Variants in ZDHHC14 observed in about 807,000 individuals in gnomAD.
ZDHHC14 encodes zDHHC palmitoyltransferase 14, also known as palmitoyltransferase ZDHHC14.
A neutral mutation model predicts 47.7 loss-of-function variants in ZDHHC14; 16 were observed. The ratio of observed to expected loss-of-function variants is 0.34; its 90% CI spans 0.23 to 0.51. ZDHHC14 has a LOEUF of 0.51. ZDHHC14 is among the 20% of genes least tolerant of loss of function. The pLI is 0.97. For synonymous variants in ZDHHC14, 293 were observed against 278.9 expected (o/e 1.05, Z -0.50); for missense variants, 515 against 662.5 (o/e 0.78, Z 2.44).
At chr6:157,542,895 C>A in intron 2 of ZDHHC14, 150 bp downstream of exon 2, 1 of 1,003,642 alleles carries the variant, frequency 1.0e-6, no homozygotes, top group Non-Finnish European at 1.4e-6. Flanking sequence ...GCTGGGTGGG[C>A]AGGATGAGCT....
intron 2 of ZDHHC14, chr6:157,592,670 C>T (rs1445924120): frequency 1.9e-5 from 19 of 1,002,298 alleles, no homozygotes; most frequent in Admixed American, 4.8e-5. Flanking sequence ...GGGGCCTCTC[C>T]TGCCGCCTAC....
At chr6:157,489,756 G>A (rs1005384786) in intron 1 of ZDHHC14, among the ~76,000 whole-genome samples, 2 of 152,210 alleles carry the variant, frequency 1.3e-5, no homozygotes, top group Non-Finnish European at 2.9e-5. Flanking sequence ...CCCAGGATGC[G>A]GGGAAGCTAC....
At chr6:157,634,953 A>G (rs1776898908) in intron 5 of ZDHHC14, among the ~76,000 whole-genome samples, 2 of 151,532 alleles carry the variant, frequency 1.3e-5, no homozygotes, top group African/African-American at 4.9e-5. Context: ...GGTGGAGCAT[A>G]GAGGGGCTGT....
chr6:157,532,504 G>A (rs1399228327), intron 1 of ZDHHC14, among the ~76,000 whole-genome samples: 1 of 152,168 alleles, frequency 6.6e-6, no homozygotes, highest in African/African-American at 2.4e-5. Context: ...GAATCTAGCA[G>A]GCCTCTGAGA....
intron 1 of ZDHHC14, among the ~76,000 whole-genome samples, chr6:157,401,084 A>T (rs1285478976): frequency 6.6e-6 from 1 of 152,176 alleles, no homozygotes; most frequent in African/African-American, 2.4e-5. Flanking sequence ...CAGGGTTTCC[A>T]TGTGTGGAGT....
intron 1 of ZDHHC14, among the ~76,000 whole-genome samples, chr6:157,397,075 C>T (rs956341063): frequency 1.3e-5 from 2 of 152,136 alleles, no homozygotes; most frequent in Admixed American, 6.5e-5. Flanking sequence ...ATTCTTGACT[C>T]TTATGTGAAA....
chr6:157,476,744 G>T (rs374244353), intron 1 of ZDHHC14, among the ~76,000 whole-genome samples: 4 of 152,276 alleles, frequency 2.6e-5, no homozygotes, highest in Admixed American at 1.3e-4. Context: ...TCCAAGGATG[G>T]TTCAACATAT....
intron 1 of ZDHHC14, among the ~76,000 whole-genome samples, chr6:157,425,137 G>T (rs141688221): frequency 6.6e-6 from 1 of 152,130 alleles, no homozygotes; most frequent in African/African-American, 2.4e-5. Flanking sequence ...AGTTTTCTGC[G>T]TCCCTCAGGT....
intron 8 of ZDHHC14, among the ~76,000 whole-genome samples, chr6:157,657,784 T>C (rs1272142842): frequency 6.6e-6 from 1 of 152,256 alleles, no homozygotes; most frequent in East Asian, 1.9e-4. Flanking sequence ...CAGAGACATC[T>C]GTTCCACATG....
At chr6:157,403,599 C>T (rs1180428653) in intron 1 of ZDHHC14, among the ~76,000 whole-genome samples, 1 of 152,204 alleles carries the variant, frequency 6.6e-6, no homozygotes, top group Non-Finnish European at 1.5e-5. Context: ...CTTCATTTGT[C>T]ACATTGTTTC....
At chr6:157,430,856 A>T (rs932652598) in intron 1 of ZDHHC14, among the ~76,000 whole-genome samples, 2 of 152,250 alleles carry the variant, frequency 1.3e-5, no homozygotes, top group African/African-American at 4.8e-5. Context: ...AGGGCTGGAC[A>T]TGTGTGCATG....
At chr6:157,466,841 A>C (rs111715509) in intron 1 of ZDHHC14, among the ~76,000 whole-genome samples, 2,974 of 152,228 alleles carry the variant, frequency 0.02, 102 homozygotes, top group African/African-American at 0.068. Flanking sequence ...TTCTCAAAAA[A>C]CAAAAAACAA....
At chr6:157,658,654 T>G (rs1778209237) in intron 8 of ZDHHC14, among the ~76,000 whole-genome samples, 1 of 152,236 alleles carries the variant, frequency 6.6e-6, no homozygotes, top group Non-Finnish European at 1.5e-5. Context: ...CTTGAATTTA[T>G]GGGATAAATC....
Position 157,408,635 on chromosome 6 carries a change from T to A in ZDHHC14, c.245+26369T>A, listed in dbSNP as rs903284427. 4.6e-5 allele frequency among the ~76,000 whole-genome samples: 7 copies of A among 152,172 alleles called. 1 individual carries two copies. The highest frequency in any genetic ancestry group is 7.2e-5 in the African/African-American group (3 of 41,442). ...ATCCATGTGCCTGCAAAGGACATGA[T>A]CTGATTCCTTTTTATGGCTGCATAG... On this transcript the variant is annotated intron_variant, in intron 1 of 8. Coordinates refer to ENST00000359775, the MANE Select transcript of ZDHHC14 (RefSeq NM_024630.3).
intron 1 of ZDHHC14, among the ~76,000 whole-genome samples, chr6:157,487,768 G>C (rs1220777301): frequency 1.3e-5 from 2 of 152,148 alleles, no homozygotes; most frequent in African/African-American, 4.8e-5. Flanking sequence ...AGAGCTAAAG[G>C]GAGATGTCAG....
intron 1 of ZDHHC14, among the ~76,000 whole-genome samples, chr6:157,519,154 A>G (rs1780819668): frequency 6.6e-6 from 1 of 152,260 alleles, no homozygotes; most frequent in South Asian, 2.1e-4. Context: ...TGATGTACGA[A>G]GAATCCAACT....
At chr6:157,506,475 T>C (rs2114743904) in intron 1 of ZDHHC14, among the ~76,000 whole-genome samples, 1 of 152,356 alleles carries the variant, frequency 6.6e-6, no homozygotes, top group East Asian at 1.9e-4. Context: ...CTCACACTGT[T>C]ATTTGTGCAT....
chr6:157,627,716 C>T (rs62423245), intron 3 of ZDHHC14, among the ~76,000 whole-genome samples: 57,551 of 152,074 alleles, frequency 0.38, 11,855 homozygotes, highest in East Asian at 0.85. Flanking sequence ...AGCTGAATGG[C>T]CCCGTGCAGG....
intron 7 of ZDHHC14, among the ~76,000 whole-genome samples, chr6:157,651,243 C>T (rs753748855): frequency 3.9e-5 from 6 of 152,252 alleles, no homozygotes; most frequent in Non-Finnish European, 8.8e-5. Context: ...GAGAACCCTT[C>T]CTTGCCTCTT....
Sources: gnomAD v4.1 joint callset for allele counts (sites outside exome capture counted in the v4.1 genomes callset) on GRCh38, gnomAD v4.1.1 for gene constraint, MANE v1.5 for transcripts, NCBI Gene and HGNC (gene_info 2026-07-23, HGNC 2026-07-21) for gene names.